COL9A3: variants seen among roughly 807,000 people sequenced by gnomAD.
COL9A3 encodes the protein collagen type IX alpha 3 chain, also known as collagen alpha-3(IX) chain.
COL9A3 carries 82 observed loss-of-function variants against 110.2 expected under a neutral mutation model. The ratio of observed to expected loss-of-function variants is 0.74; its 90% confidence interval spans 0.62 to 0.89. The LOEUF (loss-of-function observed/expected upper bound fraction) is 0.89, where lower values mean the gene tolerates loss of function less well. Ranked by LOEUF, COL9A3 falls within the 40% of genes least tolerant of loss-of-function variation. COL9A3 has a pLI of 0.00. For missense variants in COL9A3, 1,066 were observed against 981.3 expected, an observed-to-expected ratio of 1.09 and a Z score of -1.15; for synonymous variants, 494 against 403.8, an observed-to-expected ratio of 1.22 and a Z score of -2.68.
At chr20:62,819,825 C>A in intron 4 of COL9A3, 104 bp from the exon 5 acceptor site, 1 of 1,289,598 alleles carries the variant, frequency 7.8e-7, no homozygotes, top group Non-Finnish European at 1.1e-6. Context: ...TCTTCTATGC[C>A]TCTCTGGACT....
Position 62,840,594 on chromosome 20 carries a change from C to T in COL9A3, c.1917C>T (p.Gly639=), listed in dbSNP as rs764351562. The change falls in exon 32 of 32, where the codon GGC becomes GGT. Residue 639 remains glycine, a synonymous_variant. Transcript: ENST00000649368. The part of the protein sequence containing the change: ...TSKDGQDGAP[G]EPGPPGDPGL... The stretch of plus-strand genomic sequence containing the variant: ...AGGACGGCCAGGACGGTGCTCCCGG[C>T]GAGCCTGGGCCTCCCGGAGATCCTG... The T allele has an allele frequency of 1.6e-5, 26 of 1,612,850 alleles. 1 individual carries two copies. In the East Asian group the frequency reaches 2.5e-4, roughly 15 times the overall value.
intron 26 of COL9A3, 146 bp downstream of exon 26, chr20:62,833,210 G>A (rs2063609975): frequency 5.4e-6 from 4 of 736,988 alleles, no homozygotes; most frequent in Admixed American, 2.0e-5. Context: ...GGATGGAGCA[G>A]GGTCGGGCAG....
Position 62,826,231 on chromosome 20 carries a change from G to T in COL9A3, c.712G>T (p.Gly238Trp). The stretch of plus-strand genomic sequence containing the variant: ...CCCCCGGGGATTACGAGGACTGCCA[G>T]GGCCACTCGGGCCCCCTGGGGACCG... ...QGPRGLRGLP[G>W]PLGPPGDRGP... is the part of the protein sequence containing the mutation. The change falls in exon 14 of 32, where the codon GGG (glycine) becomes TGG (tryptophan). Residue 238 changes from glycine (G) to tryptophan (W), a missense_variant. Physicochemically the swap from Gly to Trp is radical, Grantham distance 184. Coordinates refer to ENST00000649368, the MANE Select transcript of COL9A3 (RefSeq NM_001853.4). 6.4e-7 allele frequency: 1 copy of T among 1,559,252 alleles called. No individual in the cohort carries two copies. Among genetic ancestry groups the T allele is most frequent in the Non-Finnish European group, 8.7e-7 (1 of 1,152,436 alleles).
At chr20:62,836,644 C>G in intron 29 of COL9A3, 112 bp downstream of exon 29, 1 of 1,173,076 alleles carries the variant, frequency 8.5e-7, no homozygotes. Context: ...AAAGTGAGCC[C>G]CTAGCACTCA....
chr20:62,829,365 C>T, intron 19 of COL9A3, 90 bp from the exon 20 acceptor site: 1 of 1,548,484 alleles, frequency 6.5e-7, no homozygotes, highest in African/African-American at 1.4e-5. Flanking sequence ...TCACTCTGGC[C>T]CCTGCACCCT....
At chr20:62,834,567 G>C (rs1158645032) in intron 26 of COL9A3, among the ~76,000 whole-genome samples, 1 of 152,196 alleles carries the variant, frequency 6.6e-6, no homozygotes, top group East Asian at 1.9e-4. Context: ...GTCTCTGGCA[G>C]ACCCCCACAG....
intron 24 of COL9A3, 145 bp from the exon 25 acceptor site, chr20:62,832,007 CTG>C (rs1414659905): frequency 1.2e-5 from 10 of 833,610 alleles, no homozygotes; most frequent in Non-Finnish European, 1.9e-5. Context: ...GCCTTTGGGC[CTG>C]TGTCTGGGAG....
At position 62,827,200 on chromosome 20, in the gene COL9A3, A is replaced by G. The variant is rs1040022972; in HGVS notation, c.793-41A>G. The G allele has an allele frequency of 5.0e-6, 8 of 1,609,178 alleles. No homozygotes were observed. In the Admixed American group the frequency reaches 6.7e-5, roughly 13 times the overall value. On this transcript the variant is annotated intron_variant, in intron 15 of 31. Transcript: ENST00000649368. ...CCCGTCCTACTCTCCGACCAACTCC[A>G]TGGTGTTAACTCTGTCCCTGCCCCA...
At position 62,840,745 on chromosome 20, in the gene COL9A3, G is replaced by C; in HGVS notation, c.*13G>C. 6.4e-7 allele frequency: 1 copy of C among 1,557,050 alleles called. No homozygotes were observed. Among genetic ancestry groups the C allele is most frequent in the Non-Finnish European group, 8.7e-7 (1 of 1,149,684 alleles). On this transcript the variant is annotated 3_prime_UTR_variant, in exon 32 of 32. Coordinates refer to ENST00000649368, the MANE Select transcript of COL9A3 (RefSeq NM_001853.4). ...TCGAAGCTCATAAAATTCAACGTGA[G>C]GAAGCAAGTGACAAGGACGCCCGAA... is the stretch of plus-strand genomic sequence containing the variant.
intron 24 of COL9A3, 48 bp downstream of exon 24, chr20:62,830,636 T>A (rs2063588292): frequency 4.1e-6 from 4 of 969,434 alleles, no homozygotes; most frequent in South Asian, 1.9e-5. Flanking sequence ...CCTCTACCCA[T>A]GTACCACAGT....
At position 62,828,989 on chromosome 20, in the gene COL9A3, C is replaced by T. The variant is rs535781087; in HGVS notation, c.1008+13C>T. On this transcript the variant is annotated intron_variant, in intron 19 of 31. Coordinates refer to ENST00000649368, the MANE Select transcript of COL9A3 (RefSeq NM_001853.4). ...CAACGGGCTGCCGGTGAGTGCCCGG[C>T]GGGTGGGGCCAGCCTGGGGCGCCAC... 5.7e-5 allele frequency: 91 copies of T among 1,591,876 alleles called. No homozygotes were observed. Among genetic ancestry groups the T allele is most frequent in the South Asian group, 1.6e-4 (14 of 88,868 alleles).
intron 16 of COL9A3, 148 bp from the exon 17 acceptor site, chr20:62,827,775 G>T (rs111254137): frequency 1.3e-6 from 1 of 799,798 alleles, no homozygotes; most frequent in Non-Finnish European, 2.2e-6. Context: ...TTTTCTCCAC[G>T]CACCCACAGG....
At position 62,837,075 on chromosome 20, in the gene COL9A3, TC is replaced by T; in HGVS notation, c.1604-5del. On this transcript the variant is annotated splice_polypyrimidine_tract_variant and splice_region_variant and intron_variant, in intron 29 of 31. Coordinates refer to ENST00000649368, the MANE Select transcript of COL9A3 (RefSeq NM_001853.4). ...CGAGTAAACGCCTGCACCCTTGTTT[TC>T]CCAAAGAACAAATTGCACAGTTAGC... 6.2e-7 allele frequency: 1 copy of T among 1,612,814 alleles called. No individual in the cohort carries two copies. The highest frequency in any genetic ancestry group is 8.5e-7 in the Non-Finnish European group (1 of 1,180,018).
Position 62,821,212 on chromosome 20 carries a change from T to TG in COL9A3, c.345+1dup, listed in dbSNP as rs1380145204. ...CTGGGACCCCCGGGGCCGCCCGGGC[T>TG]GGGGGTGAGTATGGAGTGTGGTCCT... On this transcript the variant is annotated frameshift_variant, in exon 6 of 32. Coordinates refer to ENST00000649368, the MANE Select transcript of COL9A3 (RefSeq NM_001853.4). LOFTEE classifies it high-confidence loss of function. 2 of 1,613,078 alleles carry TG rather than the reference T, an allele frequency of 1.2e-6. No homozygotes were observed. Among genetic ancestry groups the TG allele is most frequent in the Non-Finnish European group, 1.7e-6 (2 of 1,179,704 alleles).
intron 6 of COL9A3, 49 bp from the exon 7 acceptor site, chr20:62,821,458 C>T (rs1024639296): frequency 1.2e-6 from 2 of 1,611,636 alleles, no homozygotes; most frequent in African/African-American, 1.3e-5. Flanking sequence ...GGGTGAGGCG[C>T]AGCCCTTCTT....
rs752104442 is a variant in COL9A3 at position 62,840,682 on chromosome 20, G to T, written c.2005G>T (p.Gly669Ter). Reference protein sequence around the residue: ...PGICDTSACQGAVLGGVGEKS... With the variant: ...PGICDTSACQ ...GATCTGCGACACCTCAGCCTGCCAA[G>T]GAGCCGTGTTAGGAGGGGTCGGGGA... The change falls in exon 32 of 32, where the codon GGA becomes TGA. Residue 669 changes from glycine to a stop codon, truncating the protein, a stop_gained. Transcript: ENST00000649368. LOFTEE classifies it high-confidence loss of function. 1 of 1,602,516 alleles carries T rather than the reference G, an allele frequency of 6.2e-7. No homozygotes were observed. The highest frequency in any genetic ancestry group is 2.2e-5 in the East Asian group (1 of 44,466).
intron 11 of COL9A3, 54 bp from the exon 12 acceptor site, chr20:62,824,914 G>A: frequency 6.4e-7 from 1 of 1,558,234 alleles, no homozygotes; most frequent in Non-Finnish European, 8.7e-7. Flanking sequence ...AGTGTTGCCA[G>A]GGAGGGGGTG....
At chr20:62,825,708 AG>A in intron 12 of COL9A3, 108 bp from the exon 13 acceptor site, 1 of 1,118,958 alleles carries the variant, frequency 8.9e-7, no homozygotes, top group Non-Finnish European at 1.3e-6. Context: ...CCAGCTGTGA[AG>A]GGGGCAACAC....
intron 26 of COL9A3, among the ~76,000 whole-genome samples, chr20:62,833,692 C>T (rs996659322): frequency 2.7e-5 from 4 of 150,746 alleles, no homozygotes; most frequent in South Asian, 2.1e-4. Flanking sequence ...CATGAGCCAC[C>T]GCGCCCGGCC....
Sources: allele counts gnomAD v4.1 joint callset (sites outside exome capture counted in the v4.1 genomes callset), GRCh38; gene constraint gnomAD v4.1.1; transcripts MANE v1.5; gene names NCBI Gene and HGNC (gene_info 2026-07-23, HGNC 2026-07-21).